The following VPS13A variants were observed in gnomAD, a reference collection of about 807,000 sequenced individuals.
VPS13A encodes vacuolar protein sorting 13 homolog A, also known as intermembrane lipid transfer protein VPS13A.
VPS13A carries 264 observed loss-of-function variants against 390.9 expected under a neutral mutation model. The ratio of observed to expected loss-of-function variants is 0.68; its 90% CI spans 0.61 to 0.75. The LOEUF (loss-of-function observed/expected upper bound fraction) is 0.75. Among genes scored for constraint, VPS13A ranks in the 30% least tolerant of loss-of-function variants. VPS13A has a pLI of 0.00. For missense variants in VPS13A, 3,409 were observed against 3,733.9 expected (o/e 0.91, Z 2.27); for synonymous variants, 1,231 against 1,227.1 (o/e 1.00, Z -0.07).
intron 62 of VPS13A, among the ~76,000 whole-genome samples, 159 bp from the exon 63 acceptor site, chr9:77,369,140 G>GA (rs1158736068): frequency 1.3e-5 from 2 of 151,426 alleles, no homozygotes; most frequent in South Asian, 2.1e-4. Context: ...AAAAGAAAAA[G>GA]AAAAAAAAGA....
At chr9:77,241,000 C>CTA (rs1343910211) in intron 19 of VPS13A, among the ~76,000 whole-genome samples, 10 of 151,984 alleles carry the variant, frequency 6.6e-5, no homozygotes, top group African/African-American at 1.9e-4. Flanking sequence ...GTGTATCCAG[C>CTA]TATAGATTTG....
chr9:77,330,208 G>T (rs1030459487), intron 45 of VPS13A, among the ~76,000 whole-genome samples: 5 of 152,050 alleles, frequency 3.3e-5, no homozygotes, highest in African/African-American at 9.7e-5. Context: ...TAGAGACAGG[G>T]TCTCACTATA....
At chr9:77,208,590 C>T (rs1485146750) in intron 5 of VPS13A, among the ~76,000 whole-genome samples, 1 of 152,016 alleles carries the variant, frequency 6.6e-6, no homozygotes, top group Non-Finnish European at 1.5e-5. Flanking sequence ...CACTTTGTCT[C>T]CCAGGATGGA....
intron 51 of VPS13A, among the ~76,000 whole-genome samples, chr9:77,344,585 G>T (rs1831040448): frequency 6.6e-6 from 1 of 151,994 alleles, no homozygotes; most frequent in African/African-American, 2.4e-5. Flanking sequence ...GTGAAACCCT[G>T]TCTCTACTAA....
chr9:77,206,725 T>A (rs1482955559), intron 5 of VPS13A, among the ~76,000 whole-genome samples: 1 of 152,334 alleles, frequency 6.6e-6, no homozygotes, highest in African/African-American at 2.4e-5. Flanking sequence ...TTCTTTATCT[T>A]GAAACATGAA....
intron 2 of VPS13A, among the ~76,000 whole-genome samples, chr9:77,200,757 A>C (rs1047699782): frequency 2.0e-5 from 3 of 152,176 alleles, no homozygotes; most frequent in Non-Finnish European, 2.9e-5. Context: ...TGTCATATTC[A>C]AGAAGTCTTT....
intron 20 of VPS13A, among the ~76,000 whole-genome samples, chr9:77,247,967 A>G (rs1279693017): frequency 6.6e-6 from 1 of 151,018 alleles, no homozygotes; most frequent in African/African-American, 2.4e-5. Context: ...CCCGAATCTA[A>G]GATTTATATT....
intron 22 of VPS13A, 135 bp downstream of exon 22, chr9:77,252,487 A>C (rs1825200128): frequency 1.2e-6 from 1 of 811,588 alleles, no homozygotes; most frequent in Non-Finnish European, 2.2e-6. Context: ...GTGTGTGGTA[A>C]AATGTATATA....
intron 23 of VPS13A, among the ~76,000 whole-genome samples, chr9:77,265,943 A>G (rs1406231776): frequency 6.6e-6 from 1 of 152,162 alleles, no homozygotes; most frequent in South Asian, 2.1e-4. Flanking sequence ...TTTTAGTGCT[A>G]TAAATTTTCC....
intron 41 of VPS13A, 72 bp downstream of exon 41, chr9:77,318,663 T>C (rs1829547844): frequency 5.7e-6 from 7 of 1,237,540 alleles, no homozygotes; most frequent in African/African-American, 1.5e-5. Context: ...ATGATACATA[T>C]GGAATATTAT....
rs772138844 is a variant in VPS13A, at chr9:77,247,352, G to T, written c.1994G>T (p.Ser665Ile). ...ATTGTCCCACAAGATGGAATTTTTA[G>T]TCCTACATCAAATCTGCTTCTTTTG... Reference protein sequence around the residue: ...YIIVPQDGIFSPTSNLLLLDL... With the variant: ...YIIVPQDGIFIPTSNLLLLDL... The change falls in exon 20 of 72, where the codon AGT becomes ATT. Residue 665 changes from serine to isoleucine, a missense_variant. Physicochemically the swap from Ser to Ile is moderately radical, Grantham distance 142. Coordinates refer to ENST00000360280, the MANE Select transcript of VPS13A (RefSeq NM_033305.3). The T allele has an allele frequency of 1.4e-5, 23 of 1,612,388 alleles. No individual in the cohort carries two copies. In the Admixed American group the frequency reaches 3.8e-4, roughly 27 times the overall value.
chr9:77,328,710 T>C (rs1446317822), intron 45 of VPS13A, among the ~76,000 whole-genome samples: 1 of 152,170 alleles, frequency 6.6e-6, no homozygotes, highest in Non-Finnish European at 1.5e-5. Flanking sequence ...TGCTTCCAAC[T>C]TTTTTTCTGC....
intron 13 of VPS13A, among the ~76,000 whole-genome samples, chr9:77,224,559 G>A (rs190701436): frequency 5.3e-5 from 8 of 152,248 alleles, no homozygotes; most frequent in East Asian, 1.9e-4. Context: ...GTGGAAATAC[G>A]AAGAGAACTA....
At chr9:77,306,816 C>T (rs72618114) in intron 34 of VPS13A, among the ~76,000 whole-genome samples, 29,752 of 151,952 alleles carry the variant, frequency 0.2, 3,738 homozygotes, top group East Asian at 0.39. Context: ...GCCAAAGTGA[C>T]ATACAAAATT....
chr9:77,188,442 G>C (rs770781221), intron 1 of VPS13A, among the ~76,000 whole-genome samples: 1 of 152,198 alleles, frequency 6.6e-6, no homozygotes, highest in Non-Finnish European at 1.5e-5. Context: ...CAAAGGGCAT[G>C]ATTTTGCTCC....
intron 17 of VPS13A, among the ~76,000 whole-genome samples, chr9:77,229,053 A>G (rs1229952294): frequency 1.3e-5 from 2 of 152,020 alleles, no homozygotes; most frequent in African/African-American, 2.4e-5. Context: ...CTTATCAACT[A>G]CTATCTAATT....
In VPS13A at chr9:77,386,937, C is replaced by T. The variant is rs968823434; in HGVS notation, c.9189+4850C>T. On this transcript the variant is annotated intron_variant, in intron 68 of 71. Transcript: ENST00000360280. Reference sequence around the variant, plus strand: ...TTAGCCAGGATGGTCTCGATCTGACCTCGTGATCCGCCTGCCTCGGCCTCC... The same window carrying T: ...TTAGCCAGGATGGTCTCGATCTGACTTCGTGATCCGCCTGCCTCGGCCTCC... Among the ~76,000 whole-genome samples the T allele has an allele frequency of 2.6e-5, 4 of 152,008 alleles. No homozygotes were observed. In the South Asian group the frequency reaches 8.3e-4, roughly 32 times the overall value.
chr9:77,421,227 T>C lies in VPS13A; in HGVS notation c.*5221T>C, dbSNP rs1835329506. The stretch of plus-strand genomic sequence containing the variant: ...TATCTATTTCTGCATCGCTGCAGGA[T>C]TTCCTACACTTTTCTGTTCCTCATC... On this transcript the variant is annotated 3_prime_UTR_variant, in exon 72 of 72. Transcript: ENST00000360280. 6.6e-6 allele frequency: 1 copy of C among 152,236 alleles called. No homozygotes were observed. Among genetic ancestry groups the C allele is most frequent in the African/African-American group, 2.4e-5 (1 of 41,462 alleles). 9.4% of individuals were successfully genotyped at this position (152,236 alleles called of 1,614,324 possible).
intron 23 of VPS13A, among the ~76,000 whole-genome samples, chr9:77,271,188 G>A (rs1826332141): frequency 6.6e-6 from 1 of 152,032 alleles, no homozygotes. Flanking sequence ...TGACTAAACA[G>A]GTAGCATGAA....
Sources: gnomAD v4.1 joint callset for allele counts (sites outside exome capture counted in the v4.1 genomes callset) on GRCh38, gnomAD v4.1.1 for gene constraint, MANE v1.5 for transcripts, NCBI Gene and HGNC (gene_info 2026-07-23, HGNC 2026-07-21) for gene names.